Variants in MOB3B observed in about 807,000 individuals in gnomAD.
MOB3B encodes the protein MOB kinase activator-like 2B.
MOB3B carries 7 observed loss-of-function variants against 18.7 expected under a neutral mutation model. That is an observed-to-expected ratio of 0.37 (90% CI 0.21 to 0.70). The LOEUF is 0.70. Ranked by LOEUF, MOB3B falls within the 30% of genes least tolerant of loss-of-function variation. The pLI, the probability that MOB3B is intolerant of heterozygous loss-of-function variation, is 0.52. For synonymous variants in MOB3B, 111 were observed against 99.9 expected (o/e 1.11, Z -0.66); for missense variants, 253 against 281.3 (o/e 0.90, Z 0.72).
intron 2 of MOB3B, among the ~76,000 whole-genome samples, chr9:27,377,206 G>A (rs1821501765): frequency 6.6e-6 from 1 of 152,226 alleles, no homozygotes; most frequent in South Asian, 2.1e-4. Context: ...AGGAGATCAG[G>A]AAGGAAGCCT....
intron 2 of MOB3B, among the ~76,000 whole-genome samples, chr9:27,409,987 A>G (rs955942395): frequency 3.9e-5 from 6 of 152,212 alleles, no homozygotes; most frequent in African/African-American, 1.4e-4. Context: ...GTGATGAAAA[A>G]GTTCTGGAAA....
intron 2 of MOB3B, among the ~76,000 whole-genome samples, chr9:27,446,237 T>TTC (rs1445073490): frequency 6.3e-5 from 1 of 15,930 alleles, no homozygotes; most frequent in African/African-American, 5.9e-4. Flanking sequence ...GGAATACATC[T>TTC]TTTTTTTTAA....
chr9:27,347,746 A>G (rs1821050504), intron 3 of MOB3B, among the ~76,000 whole-genome samples: 1 of 152,158 alleles, frequency 6.6e-6, no homozygotes, highest in Non-Finnish European at 1.5e-5. Flanking sequence ...TTCACACTGT[A>G]TTTTTACTGT....
chr9:27,357,470 C>T (rs1273784674), intron 3 of MOB3B, among the ~76,000 whole-genome samples: 1 of 151,712 alleles, frequency 6.6e-6, no homozygotes, highest in East Asian at 2.0e-4. Context: ...TCACACTAAC[C>T]ACCCCAGGCC....
intron 2 of MOB3B, among the ~76,000 whole-genome samples, chr9:27,426,583 C>A (rs552262663): frequency 6.6e-6 from 1 of 152,324 alleles, no homozygotes; most frequent in African/African-American, 2.4e-5. Context: ...ATGGCCATTG[C>A]CTGTCAGAGC....
chr9:27,520,894 T>C (rs746682096), intron 1 of MOB3B, among the ~76,000 whole-genome samples: 2 of 152,228 alleles, frequency 1.3e-5, no homozygotes, highest in South Asian at 2.1e-4. Flanking sequence ...AAACAATGAA[T>C]GACTTTTTAG....
At chr9:27,453,483 G>A (rs1256094191) in intron 2 of MOB3B, among the ~76,000 whole-genome samples, 2 of 152,132 alleles carry the variant, frequency 1.3e-5, no homozygotes, top group Non-Finnish European at 2.9e-5. Context: ...GGGATATAGA[G>A]GCATCCATAG....
chr9:27,506,166 G>C (rs1346734045), intron 1 of MOB3B, among the ~76,000 whole-genome samples: 3 of 152,206 alleles, frequency 2.0e-5, no homozygotes, highest in African/African-American at 7.2e-5. Flanking sequence ...GGAACCACTG[G>C]AAGTCTTGGA....
chr9:27,529,806 G>A lies in MOB3B; in HGVS notation c.-450C>T. ...CCCAGCGCGCCGCGCAGCCGGCCGG[G>A]GCTCGACTGTCTCGCGGGGACGCCG... On this transcript the variant is annotated 5_prime_UTR_variant, in exon 1 of 4. Transcript: ENST00000262244. 2.0e-6 allele frequency: 2 copies of A among 985,430 alleles called. No homozygotes were observed. Among genetic ancestry groups the A allele is most frequent in the Non-Finnish European group, 2.4e-6 (2 of 829,952 alleles). The allele number at this position is 985,430 out of a possible 1,614,324, so 61.0% of individuals were successfully genotyped here.
At chr9:27,351,371 G>A (rs1331507378) in intron 3 of MOB3B, among the ~76,000 whole-genome samples, 1 of 152,222 alleles carries the variant, frequency 6.6e-6, no homozygotes, top group Non-Finnish European at 1.5e-5. Flanking sequence ...GAGGATTCTA[G>A]GGATGATGTC....
chr9:27,355,260 T>C (rs1821168269), intron 3 of MOB3B, among the ~76,000 whole-genome samples: 1 of 151,966 alleles, frequency 6.6e-6, no homozygotes, highest in South Asian at 2.1e-4. Flanking sequence ...GAGGGAAAGA[T>C]GAGGTGGTGG....
At chr9:27,358,980 A>G in intron 3 of MOB3B, 54 bp downstream of exon 3, 1 of 1,562,538 alleles carries the variant, frequency 6.4e-7, no homozygotes, top group East Asian at 2.2e-5. Context: ...CGCTCTGACA[A>G]ATGGCCGAGC....
intron 1 of MOB3B, among the ~76,000 whole-genome samples, chr9:27,476,416 C>T (rs1010302970): frequency 7.2e-5 from 11 of 152,200 alleles, no homozygotes; most frequent in Non-Finnish European, 1.5e-4. Context: ...ACCTCAATCT[C>T]TACCTTCATC....
chr9:27,448,687 A>C (rs1822734075), intron 2 of MOB3B, among the ~76,000 whole-genome samples: 2 of 152,288 alleles, frequency 1.3e-5, no homozygotes, highest in East Asian at 3.9e-4. Flanking sequence ...CAGCAGATGA[A>C]GTGTTTAAGG....
chr9:27,337,939 C>T (rs1820887206), intron 3 of MOB3B, among the ~76,000 whole-genome samples: 1 of 152,156 alleles, frequency 6.6e-6, no homozygotes, highest in East Asian at 1.9e-4. Context: ...TTCCCTGTGG[C>T]ACCATGCTGC....
intron 3 of MOB3B, among the ~76,000 whole-genome samples, chr9:27,346,864 C>T (rs769047296): frequency 6.6e-6 from 1 of 152,172 alleles, no homozygotes; most frequent in Non-Finnish European, 1.5e-5. Context: ...GTTGTGGTGG[C>T]ACGCACCTGT....
intron 2 of MOB3B, among the ~76,000 whole-genome samples, chr9:27,375,795 AC>A (rs1821481502): frequency 6.6e-6 from 1 of 152,142 alleles, no homozygotes; most frequent in Non-Finnish European, 1.5e-5. Flanking sequence ...AGGCATTAGC[AC>A]CCATTGGGAC....
chr9:27,404,209 T>A (rs745686492), intron 2 of MOB3B, among the ~76,000 whole-genome samples: 1 of 152,116 alleles, frequency 6.6e-6, no homozygotes, highest in African/African-American at 2.4e-5. Context: ...TTTCTGTGCT[T>A]GGCTTATTTC....
At chr9:27,510,111 C>T (rs1563886488) in intron 1 of MOB3B, among the ~76,000 whole-genome samples, 2 of 152,172 alleles carry the variant, frequency 1.3e-5, no homozygotes, top group South Asian at 2.1e-4. Context: ...CATCTTTCTC[C>T]AGTTGTTCCA....
Sources: gnomAD v4.1 joint callset for allele counts (sites outside exome capture counted in the v4.1 genomes callset) on GRCh38, gnomAD v4.1.1 for gene constraint, MANE v1.5 for transcripts, NCBI Gene and HGNC (gene_info 2026-07-23, HGNC 2026-07-21) for gene names.